RABGAP1: variants seen among roughly 807,000 people sequenced by gnomAD.
The protein encoded by RABGAP1 is RAB GTPase activating protein 1.
RABGAP1 carries 23 observed loss-of-function variants against 137.6 expected under a neutral mutation model. The observed-to-expected ratio is 0.17, with a 90% CI of 0.12 to 0.24. RABGAP1 has a LOEUF of 0.24. RABGAP1 is among the 10% of genes least tolerant of loss of function. The pLI is 1.00. For synonymous variants in RABGAP1, 451 were observed against 450.7 expected (o/e 1.00, Z -0.01); for missense variants, 906 against 1,275.8 (o/e 0.71, Z 4.42).
chr9:123,069,575 T>TAA (rs11319313), intron 14 of RABGAP1, among the ~76,000 whole-genome samples: 29 of 145,524 alleles, frequency 2.0e-4, no homozygotes, highest in African/African-American at 7.1e-4. Context: ...CTGTCTCTAT[T>TAA]AAAAAAAAAA....
intron 2 of RABGAP1, among the ~76,000 whole-genome samples, chr9:122,974,802 TTA>T (rs1835679621): frequency 6.6e-6 from 1 of 152,162 alleles, no homozygotes; most frequent in Non-Finnish European, 1.5e-5. Flanking sequence ...AATGATAACT[TTA>T]TGTTGTTTGG....
At chr9:123,057,765 T>G (rs2033793283) in intron 13 of RABGAP1, among the ~76,000 whole-genome samples, 1 of 152,230 alleles carries the variant, frequency 6.6e-6, no homozygotes, top group East Asian at 1.9e-4. Flanking sequence ...TGGGCACCAT[T>G]GAGCACTGAG....
chr9:123,010,451 G>C lies in RABGAP1; in HGVS notation c.1472G>C (p.Ser491Thr). Residue 491 changes from serine to threonine, a missense_variant, in exon 11 of 26, where the codon AGT becomes ACT. This residue lies in a region of RABGAP1 where 212 missense variants were observed against 289.4 expected (regional missense o/e 0.73). Coordinates refer to ENST00000373647, the MANE Select transcript of RABGAP1 (RefSeq NM_012197.4). Reference protein sequence around the residue: ...SERERRKTTASPSVRLPQSGS... With the variant: ...SERERRKTTATPSVRLPQSGS... ...AGAGAGAGGAGGAAAACTACAGCCA[G>C]TCCTTCAGTTCGCCTGCCACAGTCT... The C allele has an allele frequency of 1.2e-6, 2 of 1,612,912 alleles. No individual in the cohort carries two copies. Among genetic ancestry groups the C allele is most frequent in the Non-Finnish European group, 1.7e-6 (2 of 1,179,766 alleles).
intron 13 of RABGAP1, among the ~76,000 whole-genome samples, chr9:123,023,223 G>A (rs2031753751): frequency 6.6e-6 from 1 of 151,970 alleles, no homozygotes; most frequent in African/African-American, 2.4e-5. Flanking sequence ...CCCTGTCACC[G>A]AGGCTGGAGT....
intron 4 of RABGAP1, among the ~76,000 whole-genome samples, chr9:122,988,461 A>G (rs568618135): frequency 6.8e-6 from 1 of 146,546 alleles, no homozygotes; most frequent in Non-Finnish European, 1.5e-5. Flanking sequence ...TATCCCTTTG[A>G]TTTTTTACTG....
the RABGAP1 span, among the ~76,000 whole-genome samples, chr9:122,931,983 G>A: frequency 1.4e-4 from 21 of 152,170 alleles, no homozygotes; most frequent in Admixed American, 1.0e-3. Flanking sequence ...TTGCCTTGGA[G>A]TTCTTCCTAG....
At chr9:122,999,340 G>A (rs1837205872) in intron 10 of RABGAP1, among the ~76,000 whole-genome samples, 1 of 151,512 alleles carries the variant, frequency 6.6e-6, no homozygotes. Context: ...ATGCCAGCAT[G>A]CCCGGCTAAT....
At chr9:123,091,007 T>C (rs1039482897) in intron 21 of RABGAP1, among the ~76,000 whole-genome samples, 5 of 152,220 alleles carry the variant, frequency 3.3e-5, no homozygotes, top group African/African-American at 1.2e-4. Flanking sequence ...TGTAAAGGGA[T>C]GGATAATAAG....
In RABGAP1 at chr9:123,097,764, G is replaced by A. The variant is rs757419375; in HGVS notation, c.2652G>A (p.Leu884=). The change falls in exon 22 of 26, where the codon CTG becomes CTA. Residue 884 remains leucine (L), a synonymous_variant. Coordinates refer to ENST00000373647, the MANE Select transcript of RABGAP1 (RefSeq NM_012197.4). ...LDNAEEKADA[L]NKELLMTKQK... ...AGGCTGAGGAAAAGGCAGATGCTCT[G>A]AATAAGGAGCTGCTGATGACCAAAC... 1 of 1,612,920 alleles carries A rather than the reference G, an allele frequency of 6.2e-7. No homozygotes were observed. The highest frequency in any genetic ancestry group is 1.7e-5 in the Admixed American group (1 of 59,660).
intron 10 of RABGAP1, among the ~76,000 whole-genome samples, chr9:123,005,134 G>A (rs371839294): frequency 2.7e-4 from 41 of 151,402 alleles, no homozygotes; most frequent in African/African-American, 7.3e-4. Flanking sequence ...AGATTTTATG[G>A]AACTTCTTTT....
intron 17 of RABGAP1, 57 bp from the exon 18 acceptor site, chr9:123,076,188 A>G: frequency 6.5e-7 from 1 of 1,542,890 alleles, no homozygotes; most frequent in Admixed American, 1.7e-5. Context: ...AAGGACAAAT[A>G]GCATAATAGT....
chr9:122,937,124 C>A (rs184475568), upstream of RABGAP1, among the ~76,000 whole-genome samples: 446 of 152,222 alleles, frequency 2.9e-3, 2 homozygotes, highest in African/African-American at 0.01. Flanking sequence ...CATAGTGAGA[C>A]CCCATCTCTA....
At chr9:123,030,950 C>CT (rs377423248) in intron 13 of RABGAP1, among the ~76,000 whole-genome samples, 172 of 148,804 alleles carry the variant, frequency 1.2e-3, no homozygotes, top group African/African-American at 3.5e-3. Flanking sequence ...GGCTATTAGT[C>CT]TTTTTTTTTT....
intron 13 of RABGAP1, among the ~76,000 whole-genome samples, chr9:123,040,276 G>A (rs911485262): frequency 1.9e-4 from 29 of 152,158 alleles, no homozygotes; most frequent in African/African-American, 6.8e-4. Context: ...TATGATGCTG[G>A]TGTATAAAAT....
intron 2 of RABGAP1, among the ~76,000 whole-genome samples, chr9:122,978,108 G>A (rs536514769): frequency 1.3e-5 from 2 of 151,236 alleles, no homozygotes; most frequent in South Asian, 4.1e-4. Flanking sequence ...CTCATGTAAC[G>A]ACCAGCACAG....
At chr9:122,975,941 C>T (rs957439177) in intron 2 of RABGAP1, among the ~76,000 whole-genome samples, 4 of 152,174 alleles carry the variant, frequency 2.6e-5, no homozygotes, top group Admixed American at 2.0e-4. Flanking sequence ...ATATGTCTTA[C>T]TTGGGAGTCC....
At chr9:122,945,147 C>CTTGTTTTTTTTTTTTTTTTTTT (rs1833872459) in intron 1 of RABGAP1, among the ~76,000 whole-genome samples, 2 of 75,772 alleles carry the variant, frequency 2.6e-5, no homozygotes, top group Non-Finnish European at 5.7e-5. Context: ...ATAGCTGTTG[C>CTTGTTTTTTTTTTTTTTTTTTT]TTTTTTTTTT....
Position 122,945,147 on chromosome 9 carries a change from CTT to C in RABGAP1, c.-50+4069_-50+4070del, listed in dbSNP as rs202090815. 1.7e-3 allele frequency among the ~76,000 whole-genome samples: 128 copies of C among 75,812 alleles called. 7 individuals are homozygous for C. Among genetic ancestry groups the C allele is most frequent in the Middle Eastern group, 0.014 (1 of 70 alleles). 49.7% of individuals were successfully genotyped at this position (75,812 alleles called of 152,430 possible). ...CACCATGTATACATCATAGCTGTTGCTTTTTTTTTTTTTTTTAGCATAAACTG... is the reference window on the plus strand; with the variant it reads ...CACCATGTATACATCATAGCTGTTGCTTTTTTTTTTTTTTAGCATAAACTG... On this transcript the variant is annotated intron_variant, in intron 1 of 25. Transcript: ENST00000373647.
Position 123,022,746 on chromosome 9 carries a change from G to T in RABGAP1, c.1794+2287G>T, listed in dbSNP as rs1588286154. On this transcript the variant is annotated intron_variant, in intron 13 of 25. Coordinates refer to ENST00000373647, the MANE Select transcript of RABGAP1 (RefSeq NM_012197.4). ...GAATATATATTAATTTAAATTGCTA[G>T]TAGATGATCAGAAAATAGAAATTAT... is the stretch of plus-strand genomic sequence containing the variant. Among the ~76,000 whole-genome samples, 3 of 152,162 alleles carry T rather than the reference G, an allele frequency of 2.0e-5. No individual in the cohort carries two copies. In the East Asian group the frequency reaches 5.8e-4, roughly 29 times the overall value.
Sources: gnomAD v4.1 joint callset for allele counts (sites outside exome capture counted in the v4.1 genomes callset) on GRCh38, gnomAD v4.1.1 for gene constraint, gnomAD v4.1.1 regional missense constraint, MANE v1.5 for transcripts, NCBI Gene and HGNC (gene_info 2026-07-23, HGNC 2026-07-21) for gene names.